NFKBIE: variants seen among roughly 807,000 people sequenced by gnomAD.
NFKBIE encodes the protein NF-kappa-B inhibitor epsilon.
NFKBIE carries 11 observed loss-of-function variants against 31.6 expected under a neutral mutation model. The ratio of observed to expected loss-of-function variants is 0.35; its 90% CI spans 0.22 to 0.58. The LOEUF is 0.58. Ranked by LOEUF, NFKBIE falls within the 20% of genes least tolerant of loss-of-function variation. The probability of loss-of-function intolerance (pLI) is 0.83; values close to 1 mark genes in which losing one functional copy is unlikely to be tolerated. For synonymous variants in NFKBIE, 208 were observed against 210.1 expected (o/e 0.99, Z 0.09); for missense variants, 354 against 465.7 (o/e 0.76, Z 2.21).
At position 44,259,134 on chromosome 6, in the gene NFKBIE, T is replaced by A. The variant is rs891488410; in HGVS notation, c.*85A>T. ...GTCCCTAGGGCACCAGAAGAGCACATAGCCTGGGCCCAAACTGCAGCAGTT... is the reference window on the plus strand; with the variant it reads ...GTCCCTAGGGCACCAGAAGAGCACAAAGCCTGGGCCCAAACTGCAGCAGTT... On this transcript the variant is annotated 3_prime_UTR_variant, in exon 6 of 6. Coordinates refer to ENST00000619360, the MANE Select transcript of NFKBIE (RefSeq NM_004556.3). 2.1e-6 allele frequency: 3 copies of A among 1,436,630 alleles called. No homozygotes were observed. Among genetic ancestry groups the A allele is most frequent in the Non-Finnish European group, 2.0e-6 (2 of 1,025,130 alleles). The allele number at this position is 1,436,630 out of a possible 1,614,324, so 89.0% of individuals were successfully genotyped here. A position where few individuals can be genotyped will look rare whatever the true frequency, so the allele number is the denominator to read the frequency against.
Position 44,265,546 on chromosome 6 carries a change from G to GTT in NFKBIE, c.-202_-201dup, listed in dbSNP as rs1354973763. On this transcript the variant is annotated 5_prime_UTR_variant, in exon 1 of 6. Coordinates refer to ENST00000619360, the MANE Select transcript of NFKBIE (RefSeq NM_004556.3). Reference sequence around the variant, plus strand: ...GAGCGCTGGCCAGGTCCACCCAGCGGTTACTGTGGGCAGCCGAACCGCCCA... The same window carrying GTT: ...GAGCGCTGGCCAGGTCCACCCAGCGGTTTTACTGTGGGCAGCCGAACCGCCCA... 3.2e-6 allele frequency: 5 copies of GTT among 1,575,396 alleles called. No homozygotes were observed. The highest frequency in any genetic ancestry group is 4.3e-6 in the Non-Finnish European group (5 of 1,162,546).
chr6:44,264,932 T>C (rs1363151603), intron 1 of NFKBIE, 50 bp downstream of exon 1: 1 of 1,537,032 alleles, frequency 6.5e-7, no homozygotes, highest in Admixed American at 2.0e-5. Context: ...TTGCGGCTCT[T>C]GGGCAGGCCC....
At chr6:44,259,412 C>A in intron 5 of NFKBIE, 128 bp from the exon 6 acceptor site, 1 of 695,958 alleles carries the variant, frequency 1.4e-6, no homozygotes, top group Non-Finnish European at 2.6e-6. Context: ...CATCAGGGAA[C>A]AAATCTTCAC....
intron 1 of NFKBIE, among the ~76,000 whole-genome samples, chr6:44,264,765 AG>A (rs1782054043): frequency 6.6e-6 from 1 of 152,222 alleles, no homozygotes; most frequent in African/African-American, 2.4e-5. Context: ...GGCTGGGTTA[AG>A]GGTCCTGCCA....
At chr6:44,259,705 G>T (rs867256162) in intron 5 of NFKBIE, among the ~76,000 whole-genome samples, 9 of 152,110 alleles carry the variant, frequency 5.9e-5, no homozygotes, top group African/African-American at 2.2e-4. Flanking sequence ...CCAAGACCAG[G>T]AAAAACTGGG....
At chr6:44,259,450 G>A (rs971743902) in intron 5 of NFKBIE, among the ~76,000 whole-genome samples, 166 bp from the exon 6 acceptor site, 1 of 151,946 alleles carries the variant, frequency 6.6e-6, no homozygotes, top group Non-Finnish European at 1.5e-5. Flanking sequence ...TGGCCCCTCT[G>A]GGCTTGGCAG....
At position 44,261,862 on chromosome 6, in the gene NFKBIE, T is replaced by A. The variant is rs766032445; in HGVS notation, c.469-14A>T. On this transcript the variant is annotated splice_polypyrimidine_tract_variant and intron_variant, in intron 2 of 5. Coordinates refer to ENST00000619360, the MANE Select transcript of NFKBIE (RefSeq NM_004556.3). This position sits in a 1 kb window ranked among gnomAD's most constrained non-coding sequence, Gnocchi z 4.3. ...ATGGAGTGCTGTCTGGAGGCACAAA[T>A]AGAGGGTCATGGGGCCACTGCAGCA... 7.5e-6 allele frequency: 12 copies of A among 1,599,930 alleles called. No individual in the cohort carries two copies. Among genetic ancestry groups the A allele is most frequent in the Non-Finnish European group, 1.0e-5 (12 of 1,175,548 alleles).
chr6:44,261,432 AGGTACT>A lies in NFKBIE; in HGVS notation c.691+188_691+193del, dbSNP rs1781917208. On this transcript the variant is annotated intron_variant, in intron 3 of 5. Transcript: ENST00000619360. The surrounding 1 kb of genome is among the most constrained non-coding windows in gnomAD (Gnocchi z 4.3). ...TTTAGTTTTCTTCTCAGCAGGCAGTAGGTACTGGTTAAATTCGAAATCAAATCATCC... is the reference window on the plus strand; with the variant it reads ...TTTAGTTTTCTTCTCAGCAGGCAGTAGGTTAAATTCGAAATCAAATCATCC... 1.3e-5 allele frequency among the ~76,000 whole-genome samples: 2 copies of A among 152,252 alleles called. No homozygotes were observed.
Position 44,260,864 on chromosome 6 carries a change from C to CACACACACACACACACACAG in NFKBIE, c.692-326_692-325insCTGTGTGTGTGTGTGTGTGT, listed in dbSNP as rs1781883645. Among the ~76,000 whole-genome samples, 1 of 107,236 alleles carries CACACACACACACACACACAG rather than the reference C, an allele frequency of 9.3e-6. No individual in the cohort carries two copies. Among genetic ancestry groups the CACACACACACACACACACAG allele is most frequent in the Admixed American group, 8.3e-5 (1 of 12,042 alleles). The allele number at this position is 107,236 out of a possible 152,430, so 70.4% of individuals were successfully genotyped here. On this transcript the variant is annotated intron_variant, in intron 3 of 5. Transcript: ENST00000619360. The surrounding 1 kb of genome is among the most constrained non-coding windows in gnomAD (Gnocchi z 5.5). ...ACACACACACACACACATACAGACA[C>CACACACACACACACACACAG]ACACACACACACACACACACACACA... is the stretch of plus-strand genomic sequence containing the variant.
intron 1 of NFKBIE, among the ~76,000 whole-genome samples, chr6:44,264,089 C>T (rs572433231): frequency 6.6e-6 from 1 of 152,318 alleles, no homozygotes; most frequent in Non-Finnish European, 1.5e-5. Flanking sequence ...AGGACAGCCA[C>T]CTCCTGCCTC....
In NFKBIE at chr6:44,260,190, T is replaced by C; in HGVS notation, c.873A>G (p.Val291=). The C allele has an allele frequency of 1.2e-6, 2 of 1,614,194 alleles. No individual in the cohort carries two copies. Among genetic ancestry groups the C allele is most frequent in the South Asian group, 1.1e-5 (1 of 91,090 alleles). ...VQFLLQAGAQ[V]DARMLNGCTP... is the part of the protein sequence containing the mutation. Reference sequence around the variant, plus strand: ...TGCACCCGTTCAGCATGCGGGCATCTACCTGGGCACCAGCCTGGAGCAGGA... The same window carrying C: ...TGCACCCGTTCAGCATGCGGGCATCCACCTGGGCACCAGCCTGGAGCAGGA... Residue 291 remains valine (V), a synonymous_variant, in exon 5 of 6, where the codon GTA becomes GTG. Transcript: ENST00000619360. The surrounding 1 kb of genome is among the most constrained non-coding windows in gnomAD (Gnocchi z 5.5).
chr6:44,261,910 CT>C lies in NFKBIE; in HGVS notation c.469-63del, dbSNP rs1781937197. 4.8e-6 allele frequency: 7 copies of C among 1,460,904 alleles called. No individual in the cohort carries two copies. Among genetic ancestry groups the C allele is most frequent in the Non-Finnish European group, 6.5e-6 (7 of 1,072,850 alleles). 90.5% of individuals were successfully genotyped at this position (1,460,904 alleles called of 1,614,324 possible). A position where few individuals can be genotyped will look rare whatever the true frequency, so the allele number is the denominator to read the frequency against. ...GCATGCTCCCACCTCTGGGAACATG[CT>C]TGGGCTCAAGAATCACCAGCTGCCA... On this transcript the variant is annotated intron_variant, in intron 2 of 5. Coordinates refer to ENST00000619360, the MANE Select transcript of NFKBIE (RefSeq NM_004556.3). This position sits in a 1 kb window ranked among gnomAD's most constrained non-coding sequence, Gnocchi z 4.3.
Position 44,265,048 on chromosome 6 carries a change from G to T in NFKBIE, c.299C>A (p.Pro100His). The stretch of plus-strand genomic sequence containing the variant: ...CTGAGGGCTCAGCGCCCCCACGTGG[G>T]GGAGTGGCAGGCGTGGGGCCGGGTC... ...AEDPAPRLPL[P>H]HVGALSPQQL... Residue 100 changes from proline to histidine, a missense_variant, in exon 1 of 6, where the codon CCC (proline) becomes CAC (histidine). Coordinates refer to ENST00000619360, the MANE Select transcript of NFKBIE (RefSeq NM_004556.3). The T allele has an allele frequency of 6.3e-7, 1 of 1,580,454 alleles. No homozygotes were observed. Among genetic ancestry groups the T allele is most frequent in the Non-Finnish European group, 8.6e-7 (1 of 1,163,226 alleles).
chr6:44,262,373 C>T (rs1011726323), intron 2 of NFKBIE, among the ~76,000 whole-genome samples, 187 bp downstream of exon 2: 17 of 152,304 alleles, frequency 1.1e-4, no homozygotes, highest in Admixed American at 9.1e-4. Context: ...TGATACAAGT[C>T]CCCCAGCCCA....
intron 1 of NFKBIE, 90 bp from the exon 2 acceptor site, chr6:44,262,752 TTAAC>T: frequency 4.2e-6 from 4 of 956,714 alleles, no homozygotes; most frequent in Admixed American, 2.0e-5. Flanking sequence ...ACATCAAACT[TTAAC>T]TAGCTACCCA....
At chr6:44,259,998 C>T (rs989140155) in intron 5 of NFKBIE, 45 bp downstream of exon 5, 3 of 1,595,134 alleles carry the variant, frequency 1.9e-6, no homozygotes, top group East Asian at 4.5e-5. Flanking sequence ...CCTCTCTCTG[C>T]TATGGGTGTG....
In NFKBIE at chr6:44,258,926, G is replaced by A. The variant is rs1276007769; in HGVS notation, c.*293C>T. The A allele has an allele frequency of 1.7e-5, 5 of 289,792 alleles. No homozygotes were observed. The highest frequency in any genetic ancestry group is 1.2e-4 in the Admixed American group (3 of 24,970). 18.0% of individuals were successfully genotyped at this position (289,792 alleles called of 1,614,324 possible). A position where few individuals can be genotyped will look rare whatever the true frequency, so the allele number is the denominator to read the frequency against. Reference sequence around the variant, plus strand: ...GGCTGACCCAACATGGGTAAAACAAGAGCACCTGCCATTTTCAAGAGAGGC... The same window carrying A: ...GGCTGACCCAACATGGGTAAAACAAAAGCACCTGCCATTTTCAAGAGAGGC... On this transcript the variant is annotated 3_prime_UTR_variant, in exon 6 of 6. Coordinates refer to ENST00000619360, the MANE Select transcript of NFKBIE (RefSeq NM_004556.3).
At chr6:44,264,590 T>C (rs939151285) in intron 1 of NFKBIE, among the ~76,000 whole-genome samples, 1 of 152,174 alleles carries the variant, frequency 6.6e-6, no homozygotes, top group Admixed American at 6.5e-5. Flanking sequence ...AACTGGCACC[T>C]GTTGTTCCTT....
rs1314708540 is a variant in NFKBIE, at chr6:44,265,081, T to G, written c.266A>C (p.Glu89Ala). The change falls in exon 1 of 6, where the codon GAG (glutamate) becomes GCG (alanine). Residue 89 changes from glutamate (E) to alanine (A), a missense_variant. Around this residue, in one of 2 missense-constraint regions of NFKBIE, gnomAD observed 171 missense variants for 155.1 expected, o/e 1.10. Coordinates refer to ENST00000619360, the MANE Select transcript of NFKBIE (RefSeq NM_004556.3). ...CAGGCGTGGGGCCGGGTCCTCAGCC[T>G]CGGGGCCCCCCAGCAAGGACAGGGT... ...TYTLSLLGGP[E>A]AEDPAPRLPL... The G allele has an allele frequency of 6.4e-7, 1 of 1,561,322 alleles. No homozygotes were observed. Among genetic ancestry groups the G allele is most frequent in the Non-Finnish European group, 8.7e-7 (1 of 1,151,720 alleles).
Sources: allele counts gnomAD v4.1 joint callset (sites outside exome capture counted in the v4.1 genomes callset), GRCh38; gene constraint gnomAD v4.1.1; regional missense constraint gnomAD v4.1.1; non-coding constraint Gnocchi (gnomAD v3.1); transcripts MANE v1.5; gene names NCBI Gene and HGNC (gene_info 2026-07-23, HGNC 2026-07-21).